Variants in WIZ observed in about 807,000 individuals in gnomAD.
WIZ encodes the protein WIZ zinc finger, also known as protein Wiz.
A neutral mutation model predicts 140.2 loss-of-function variants in WIZ; 25 were observed. The observed-to-expected ratio is 0.18, with a 90% CI of 0.13 to 0.25. WIZ has a LOEUF of 0.25. Ranked by LOEUF, WIZ falls within the 10% of genes least tolerant of loss-of-function variation. WIZ has a pLI of 1.00. For synonymous variants in WIZ, 1,125 were observed against 1,154.3 expected (o/e 0.97, Z 0.51); for missense variants, 2,231 against 2,632.6 (o/e 0.85, Z 3.34).
At chr19:15,447,749 G>A (rs1969969530) in intron 2 of WIZ, among the ~76,000 whole-genome samples, 1 of 152,202 alleles carries the variant, frequency 6.6e-6, no homozygotes, top group Non-Finnish European at 1.5e-5. Context: ...GGGATAGACT[G>A]ATGGGAGTGG....
At chr19:15,431,288 G>A (rs998902850) in intron 5 of WIZ, 106 bp from the exon 6 acceptor site, 6 of 1,338,150 alleles carry the variant, frequency 4.5e-6, no homozygotes, top group Non-Finnish European at 4.9e-6. Context: ...CTCTCACTCT[G>A]CGAAGCGACT....
In WIZ at chr19:15,428,023, C is replaced by A. The variant is rs1968962034; in HGVS notation, c.3814+87G>T. 3.3e-6 allele frequency: 5 copies of A among 1,494,764 alleles called. No individual in the cohort carries two copies. The South Asian group carries it at 5.1e-5, about 15-fold the overall frequency. The allele number at this position is 1,494,764 out of a possible 1,614,324, so 92.6% of individuals were successfully genotyped here. A position where few individuals can be genotyped will look rare whatever the true frequency, so the allele number is the denominator to read the frequency against. ...GCCAAGGGCCCCTGTCTACTCCCTG[C>A]CCCAGCAGGGAGGGGGCTGTGACCC... On this transcript the variant is annotated intron_variant, in intron 8 of 12. Coordinates refer to ENST00000673675, the MANE Select transcript of WIZ (RefSeq NM_001371589.1). The surrounding 1 kb of genome is among the most constrained non-coding windows in gnomAD (Gnocchi z 6.4).
intron 7 of WIZ, among the ~76,000 whole-genome samples, chr19:15,429,156 T>G (rs1290219908): frequency 6.6e-6 from 1 of 152,108 alleles, no homozygotes; most frequent in Non-Finnish European, 1.5e-5. Flanking sequence ...CAGGAAGACT[T>G]GATGACAGGA....
intron 5 of WIZ, among the ~76,000 whole-genome samples, chr19:15,432,211 G>A (rs1011835371): frequency 3.9e-5 from 6 of 152,120 alleles, no homozygotes; most frequent in Admixed American, 6.5e-5. Context: ...AGGGGGCAAG[G>A]GACATCTGTC....
intron 7 of WIZ, among the ~76,000 whole-genome samples, chr19:15,429,116 G>A (rs1008328338): frequency 2.6e-5 from 4 of 152,160 alleles, no homozygotes; most frequent in Admixed American, 1.3e-4. Context: ...ACCGGCAGGC[G>A]CAGAGAGCTG....
At chr19:15,438,174 C>A (rs1467719957) in intron 4 of WIZ, among the ~76,000 whole-genome samples, 1 of 152,198 alleles carries the variant, frequency 6.6e-6, no homozygotes, top group Non-Finnish European at 1.5e-5. Flanking sequence ...CCAGGGGGTT[C>A]TGAAGCTGGC....
chr19:15,432,869 A>G (rs1250132421), intron 5 of WIZ, among the ~76,000 whole-genome samples: 2 of 151,892 alleles, frequency 1.3e-5, no homozygotes, highest in Non-Finnish European at 2.9e-5. Flanking sequence ...GCCACGAGCG[A>G]AACCGTTCGT....
In WIZ at chr19:15,428,031, G is replaced by A; in HGVS notation, c.3814+79C>T. 1 of 1,502,742 alleles carries A rather than the reference G, an allele frequency of 6.7e-7. No homozygotes were observed. Among genetic ancestry groups the A allele is most frequent in the Non-Finnish European group, 8.8e-7 (1 of 1,131,972 alleles). 93.1% of individuals were successfully genotyped at this position (1,502,742 alleles called of 1,614,324 possible). A position where few individuals can be genotyped will look rare whatever the true frequency, so the allele number is the denominator to read the frequency against. On this transcript the variant is annotated intron_variant, in intron 8 of 12. Transcript: ENST00000673675. This position sits in a 1 kb window ranked among gnomAD's most constrained non-coding sequence, Gnocchi z 6.4. ...CCCCTGTCTACTCCCTGCCCCAGCA[G>A]GGAGGGGGCTGTGACCCCCCCCCCG... is the stretch of plus-strand genomic sequence containing the variant.
Position 15,428,098 on chromosome 19 carries a change from G to A in WIZ, c.3814+12C>T, listed in dbSNP as rs1351252078. On this transcript the variant is annotated intron_variant, in intron 8 of 12. Coordinates refer to ENST00000673675, the MANE Select transcript of WIZ (RefSeq NM_001371589.1). The surrounding 1 kb of genome is among the most constrained non-coding windows in gnomAD (Gnocchi z 6.4). ...CCGCAGTGAGGAGGGGGCAGCTGAA[G>A]CGAGAACCTACAGAGGTTGAGAGGA... 7 of 1,533,528 alleles carry A rather than the reference G, an allele frequency of 4.6e-6. No homozygotes were observed. Among genetic ancestry groups the A allele is most frequent in the Non-Finnish European group, 6.1e-6 (7 of 1,146,558 alleles). The allele number at this position is 1,533,528 out of a possible 1,614,324, so 95.0% of individuals were successfully genotyped here.
Position 15,448,161 on chromosome 19 carries a change from G to A in WIZ, c.147C>T (p.Tyr49=), listed in dbSNP as rs765622900. Residue 49 remains tyrosine (Y), a synonymous_variant, in exon 2 of 13, where the codon TAC becomes TAT. Transcript: ENST00000673675. ...GEGGIFRSTR[Y]LPVTKEGPRD... ...GGGGGCCCTCCTTGGTGACAGGCAG[G>A]TAACGGGTGGACCGGAAGATGCCAC... is the stretch of plus-strand genomic sequence containing the variant. The A allele has an allele frequency of 6.8e-6, 11 of 1,613,010 alleles. No individual in the cohort carries two copies. The highest frequency in any genetic ancestry group is 1.1e-5 in the South Asian group (1 of 91,058).
At chr19:15,443,903 C>T (rs1208427257) in intron 2 of WIZ, among the ~76,000 whole-genome samples, 3 of 152,178 alleles carry the variant, frequency 2.0e-5, no homozygotes, top group Admixed American at 2.0e-4. Flanking sequence ...TCCTGGGACC[C>T]CCTCCCCACC....
rs1318818898 is a variant in WIZ at position 15,428,532 on chromosome 19, G to A, written c.3416-24C>T. On this transcript the variant is annotated intron_variant, in intron 7 of 12. Transcript: ENST00000673675. This position sits in a 1 kb window ranked among gnomAD's most constrained non-coding sequence, Gnocchi z 6.4. ...AGCTGCGGAGACAAAACACAGGGGG[G>A]GTTCACGGCCGCCACCTTGGCCGGC... 3.3e-6 allele frequency: 5 copies of A among 1,535,238 alleles called. No individual in the cohort carries two copies. Among genetic ancestry groups the A allele is most frequent in the Middle Eastern group, 1.7e-4 (1 of 5,986 alleles).
chr19:15,429,578 A>C lies in WIZ; in HGVS notation c.3415+8T>G. Reference sequence around the variant, plus strand: ...GAACCTCCCTCGGCTCTTGGGACCCACACTCACTGAGGTTCAAGGGCCCCT... The same window carrying C: ...GAACCTCCCTCGGCTCTTGGGACCCCCACTCACTGAGGTTCAAGGGCCCCT... On this transcript the variant is annotated splice_region_variant and intron_variant, in intron 7 of 12. Coordinates refer to ENST00000673675, the MANE Select transcript of WIZ (RefSeq NM_001371589.1). 1 of 1,284,462 alleles carries C rather than the reference A, an allele frequency of 7.8e-7. No homozygotes were observed. Among genetic ancestry groups the C allele is most frequent in the Non-Finnish European group, 9.9e-7 (1 of 1,011,784 alleles). The allele number at this position is 1,284,462 out of a possible 1,614,324, so 79.6% of individuals were successfully genotyped here. A position where few individuals can be genotyped will look rare whatever the true frequency, so the allele number is the denominator to read the frequency against.
At chr19:15,431,781 G>A (rs958320651) in intron 5 of WIZ, among the ~76,000 whole-genome samples, 2 of 152,262 alleles carry the variant, frequency 1.3e-5, no homozygotes, top group Non-Finnish European at 2.9e-5. Context: ...CGGACAGAAA[G>A]AGTTGGAATC....
At chr19:15,437,559 G>A (rs1459754925) in intron 4 of WIZ, among the ~76,000 whole-genome samples, 5 of 152,240 alleles carry the variant, frequency 3.3e-5, no homozygotes, top group Non-Finnish European at 7.3e-5. Context: ...GGGAGGCTAA[G>A]GTGGGAGGAT....
chr19:15,429,833 G>A lies in WIZ; in HGVS notation c.3168C>T (p.Leu1056=). 1.3e-6 allele frequency: 2 copies of A among 1,529,782 alleles called. No individual in the cohort carries two copies. Among genetic ancestry groups the A allele is most frequent in the South Asian group, 1.2e-5 (1 of 83,782 alleles). The allele number at this position is 1,529,782 out of a possible 1,614,324, so 94.8% of individuals were successfully genotyped here. A position where few individuals can be genotyped will look rare whatever the true frequency, so the allele number is the denominator to read the frequency against. ...GGGCATCCAAGGGCTTGGCCAGGCT[G>A]AGCAAGCCGGGCCGGGGGGCCCCGG... ...VVAGAPRPGL[L]SLAKPLDAPA... Residue 1056 remains leucine, a synonymous_variant, in exon 7 of 13, where the codon CTC becomes CTT. Transcript: ENST00000673675.
chr19:15,446,780 A>T (rs1969934220), intron 2 of WIZ, among the ~76,000 whole-genome samples: 1 of 152,230 alleles, frequency 6.6e-6, no homozygotes, highest in Non-Finnish European at 1.5e-5. Context: ...ACACGGTATC[A>T]TAACATCTGT....
Position 15,428,955 on chromosome 19 carries a change from TGG to T in WIZ, c.3416-449_3416-448del, listed in dbSNP as rs1969040261. On this transcript the variant is annotated intron_variant, in intron 7 of 12. Transcript: ENST00000673675. The surrounding 1 kb of genome is among the most constrained non-coding windows in gnomAD (Gnocchi z 6.4). ...CTCCATTGGGCAGGGGGTGAGACCCTGGGGTCACCCCCAGACTCTAATGTCCA... is the reference window on the plus strand; with the variant it reads ...CTCCATTGGGCAGGGGGTGAGACCCTGGTCACCCCCAGACTCTAATGTCCA... 6.6e-6 allele frequency among the ~76,000 whole-genome samples: 1 copy of T among 152,164 alleles called. No individual in the cohort carries two copies. Among genetic ancestry groups the T allele is most frequent in the South Asian group, 2.1e-4 (1 of 4,836 alleles).
At chr19:15,432,365 GGGC>G in intron 5 of WIZ, 1 of 895,854 alleles carries the variant, frequency 1.1e-6, no homozygotes, top group Non-Finnish European at 1.3e-6. Flanking sequence ...AAGGCGTCGG[GGGC>G]GGCGGCACCG....
Sources: allele counts gnomAD v4.1 joint callset (sites outside exome capture counted in the v4.1 genomes callset), GRCh38; gene constraint gnomAD v4.1.1; non-coding constraint Gnocchi (gnomAD v3.1); transcripts MANE v1.5; gene names NCBI Gene and HGNC (gene_info 2026-07-23, HGNC 2026-07-21).